STARD8: variants seen among roughly 807,000 people sequenced by gnomAD.
STARD8 encodes the protein StAR related lipid transfer domain containing 8, also known as stAR-related lipid transfer protein 8.
In STARD8, 25 loss-of-function variants were observed where a neutral mutation model predicts 69.4. The ratio of observed to expected loss-of-function variants is 0.36; its 90% CI spans 0.26 to 0.50. The LOEUF (loss-of-function observed/expected upper bound fraction) is 0.50. Among genes scored for constraint, STARD8 ranks in the 20% least tolerant of loss-of-function variants. STARD8 has a pLI of 0.96. For missense variants in STARD8, 921 were observed against 932.5 expected (o/e 0.99, Z 0.16); for synonymous variants, 389 against 374.6 (o/e 1.04, Z -0.45).
At chrX:68,657,708 T>A (rs773236291) in intron 1 of STARD8, among the ~76,000 whole-genome samples, 86 of 111,179 alleles carry the variant, frequency 7.7e-4, no homozygotes, top group African/African-American at 2.4e-3. Flanking sequence ...AGCCTGGAAA[T>A]GGGGATGGGG....
At chrX:68,675,150 GT>G (rs2079757611) in intron 2 of STARD8, among the ~76,000 whole-genome samples, 1 of 110,109 alleles carries the variant, frequency 9.1e-6, no homozygotes, top group Admixed American at 9.6e-5. Flanking sequence ...TTGAGACGGG[GT>G]TTCACCATGT....
At chrX:68,686,110 C>T (rs1227186025) in intron 2 of STARD8, among the ~76,000 whole-genome samples, 4 of 111,643 alleles carry the variant, frequency 3.6e-5, no homozygotes, top group Admixed American at 1.9e-4. Flanking sequence ...AGGGAAAACT[C>T]GCAGATGGGG....
intron 1 of STARD8, among the ~76,000 whole-genome samples, chrX:68,661,851 T>C (rs2079646096): frequency 1.8e-5 from 2 of 109,646 alleles, no homozygotes; most frequent in South Asian, 8.1e-4. Context: ...AACTCTGGTC[T>C]CCCTTTGTTT....
chrX:68,692,690 C>T (rs1323561851), intron 2 of STARD8, among the ~76,000 whole-genome samples: 3 of 112,464 alleles, frequency 2.7e-5, no homozygotes, highest in Non-Finnish European at 5.6e-5. Flanking sequence ...AAGACTTCAG[C>T]TCTACAAAAA....
rs751167413 is a variant in STARD8, at chrX:68,724,425, C to T, written c.*3C>T. The T allele has an allele frequency of 8.4e-7, 1 of 1,197,370 alleles. No homozygotes were observed. The highest frequency in any genetic ancestry group is 1.1e-6 in the Non-Finnish European group (1 of 886,525). On this transcript the variant is annotated 3_prime_UTR_variant, in exon 15 of 15. Transcript: ENST00000374599. ...CGGGCCCTGAGACAAAGCTGTGAGC[C>T]TTGGGCTGGTCCCAGGGTGGCACCA...
At chrX:68,648,045 T>C (rs1204701140) in intron 1 of STARD8, 118 bp downstream of exon 1, 1 of 905,057 alleles carries the variant, frequency 1.1e-6, no homozygotes, top group Non-Finnish European at 1.5e-6. Flanking sequence ...TACCTGAGGC[T>C]CTCGGAGTTA....
At chrX:68,654,499 C>T (rs1224965795) in intron 1 of STARD8, among the ~76,000 whole-genome samples, 1 of 111,423 alleles carries the variant, frequency 9.0e-6, no homozygotes, top group Non-Finnish European at 1.9e-5. Flanking sequence ...ACATGGGATC[C>T]CATGCTTTTC....
chrX:68,699,016 C>A (rs2079944773), intron 2 of STARD8, among the ~76,000 whole-genome samples: 1 of 112,348 alleles, frequency 8.9e-6, no homozygotes, highest in Non-Finnish European at 1.9e-5. Context: ...AGCTTGGGTT[C>A]TCCTTGTGCT....
rs767043721 is a variant in STARD8 at position 68,722,484 on chromosome X, C to T, written c.2637C>T (p.Pro879=). 7 of 1,208,984 alleles carry T rather than the reference C, an allele frequency of 5.8e-6. No individual in the cohort carries two copies. The highest frequency in any genetic ancestry group is 2.3e-4 in the Middle Eastern group (1 of 4,288). ...ACAGCGCAGCTGAGCTCAGCCCTCC[C>T]GGCCCAGCCCTGGCTGAGCTGCGTC... ...SSYSAAELSP[P]GPALAELRQA... Residue 879 remains proline (P), a synonymous_variant, in exon 12 of 15, where the codon CCC becomes CCT. Coordinates refer to ENST00000374599, the MANE Select transcript of STARD8 (RefSeq NM_001142503.3).
At chrX:68,692,869 G>T (rs2079886767) in intron 2 of STARD8, among the ~76,000 whole-genome samples, 1 of 112,637 alleles carries the variant, frequency 8.9e-6, no homozygotes, top group South Asian at 3.6e-4. Flanking sequence ...GATAGCAGTT[G>T]AACTGCATGA....
chrX:68,707,818 C>T (rs1477061955), intron 2 of STARD8, among the ~76,000 whole-genome samples: 1 of 111,618 alleles, frequency 9.0e-6, no homozygotes, highest in Non-Finnish European at 1.9e-5. Flanking sequence ...CCGGGCAGCT[C>T]TCTTATAACC....
intron 1 of STARD8, among the ~76,000 whole-genome samples, chrX:68,654,580 C>T (rs1169251111): frequency 1.8e-5 from 2 of 111,684 alleles, no homozygotes; most frequent in East Asian, 5.6e-4. Flanking sequence ...TTCCTGAGCT[C>T]GCCCAGGCAC....
rs1475396636 is a variant in STARD8 at position 68,724,825 on chromosome X, CTTG to C, written c.*406_*408del. ...CTGCCAGACTGAGAGGGCAAGCCGT[CTTG>C]TTTGCTGCAAGGATGCTTTTGAGGT... On this transcript the variant is annotated 3_prime_UTR_variant, in exon 15 of 15. Transcript: ENST00000374599. 1 of 129,751 alleles carries C rather than the reference CTTG, an allele frequency of 7.7e-6. No individual in the cohort carries two copies. The highest frequency in any genetic ancestry group is 1.5e-5 in the Non-Finnish European group (1 of 65,320). The allele number at this position is 129,751 out of a possible 1,213,427, so 10.7% of individuals were successfully genotyped here. A position where few individuals can be genotyped will look rare whatever the true frequency, so the allele number is the denominator to read the frequency against.
At position 68,720,288 on chromosome X, in the gene STARD8, G is replaced by C; in HGVS notation, c.1914G>C (p.Arg638Ser). Residue 638 changes from arginine to serine, a missense_variant, in exon 8 of 15, where the codon AGG becomes AGC. By Grantham distance (110) the Arg-to-Ser change is moderately radical. Coordinates refer to ENST00000374599, the MANE Select transcript of STARD8 (RefSeq NM_001142503.3). ...WVWSMPKFMR[R>S]NKTPDYRGQH... ...GGTCAATGCCCAAGTTCATGAGGAG[G>C]AACAAGACCCCAGATTACCGGGGAC... 8.3e-7 allele frequency: 1 copy of C among 1,205,056 alleles called. No individual in the cohort carries two copies. Among genetic ancestry groups the C allele is most frequent in the South Asian group, 1.8e-5 (1 of 55,530 alleles).
In STARD8 at chrX:68,720,936, C is replaced by G; in HGVS notation, c.2062C>G (p.Arg688Gly). The change falls in exon 9 of 15, where the codon CGC (arginine) becomes GGC (glycine). Residue 688 changes from arginine to glycine, a missense_variant. Coordinates refer to ENST00000374599, the MANE Select transcript of STARD8 (RefSeq NM_001142503.3). ...SQCLDQVGIF[R>G]KSGVKSRIQN... ...CTGCATGGAGTAGGTAGGCATCTTC[C>G]GCAAGTCTGGGGTCAAGTCCAGGAT... is the stretch of plus-strand genomic sequence containing the variant. 2 of 1,210,864 alleles carry G rather than the reference C, an allele frequency of 1.7e-6. No individual in the cohort carries two copies. Among genetic ancestry groups the G allele is most frequent in the Non-Finnish European group, 2.2e-6 (2 of 895,144 alleles).
At chrX:68,695,658 G>C (rs1252914013) in intron 2 of STARD8, among the ~76,000 whole-genome samples, 1 of 111,599 alleles carries the variant, frequency 9.0e-6, no homozygotes. Context: ...GGCTTGCAGT[G>C]AGTCATGTGG....
Position 68,712,935 on chromosome X carries a change from G to A in STARD8, c.101G>A (p.Cys34Tyr). Residue 34 changes from cysteine (C) to tyrosine (Y), a missense_variant, in exon 3 of 15, where the codon TGT (cysteine) becomes TAT (tyrosine). Coordinates refer to ENST00000374599, the MANE Select transcript of STARD8 (RefSeq NM_001142503.3). ...KNAEAEAKRA[C>Y]EWLQATGFPQ... ...TTAGAAGCCGAGGCCAAAAGAGCAT[G>A]TGAGTGGCTTCAAGCAACAGGATTC... is the stretch of plus-strand genomic sequence containing the variant. 8.3e-7 allele frequency: 1 copy of A among 1,207,179 alleles called. No homozygotes were observed. The highest frequency in any genetic ancestry group is 1.1e-6 in the Non-Finnish European group (1 of 893,095).
Position 68,719,244 on chromosome X carries a change from T to C in STARD8, c.1735T>C (p.Phe579Leu). Residue 579 changes from phenylalanine to leucine, a missense_variant, in exon 7 of 15, where the codon TTC (phenylalanine) becomes CTC (leucine). Physicochemically the swap from Phe to Leu is conservative, Grantham distance 22. Transcript: ENST00000374599. ...CACCAGGAAGCTCCGTTGGCATAGC[T>C]TCCAGAACTCCCATCGTCCCAGCCT... ...RPCRKLRWHS[F>L]QNSHRPSLNS... 2.5e-6 allele frequency: 3 copies of C among 1,191,145 alleles called. No homozygotes were observed. The highest frequency in any genetic ancestry group is 3.4e-6 in the Non-Finnish European group (3 of 884,798).
intron 2 of STARD8, among the ~76,000 whole-genome samples, chrX:68,695,503 C>G (rs1277514427): frequency 9.0e-6 from 1 of 111,489 alleles, no homozygotes; most frequent in Non-Finnish European, 1.9e-5. Context: ...TGCTAAACCT[C>G]TCTGTGCATC....
Sources: gnomAD v4.1 joint callset for allele counts (sites outside exome capture counted in the v4.1 genomes callset) on GRCh38, gnomAD v4.1.1 for gene constraint, MANE v1.5 for transcripts, NCBI Gene and HGNC (gene_info 2026-07-23, HGNC 2026-07-21) for gene names.